AK5: variants seen among roughly 807,000 people sequenced by gnomAD.
AK5 encodes adenylate kinase 5.
Under a neutral mutation model 69.5 loss-of-function variants are expected in AK5, and 27 were observed. That is an observed-to-expected ratio of 0.39 (90% CI 0.29 to 0.54). AK5 has a LOEUF of 0.54. AK5 is among the 20% of genes least tolerant of loss of function. The pLI is 0.71. For missense variants in AK5, 531 were observed against 700.4 expected (o/e 0.76, Z 2.73); for synonymous variants, 260 against 244.4 (o/e 1.06, Z -0.60).
intron 5 of AK5, among the ~76,000 whole-genome samples, chr1:77,330,467 A>G (rs530231107): frequency 6.6e-6 from 1 of 152,298 alleles, no homozygotes; most frequent in Admixed American, 6.5e-5. Context: ...ATGGACATCC[A>G]CTTTACCCAG....
At chr1:77,417,362 C>T (rs914606576) in intron 7 of AK5, among the ~76,000 whole-genome samples, 6 of 152,262 alleles carry the variant, frequency 3.9e-5, no homozygotes, top group Admixed American at 3.3e-4. Context: ...GAATTAGTAG[C>T]TCACTCTCTT....
intron 5 of AK5, among the ~76,000 whole-genome samples, chr1:77,339,010 T>C (rs1661509625): frequency 6.6e-6 from 1 of 152,192 alleles, no homozygotes; most frequent in South Asian, 2.1e-4. Context: ...AGTCCATTTT[T>C]TAACTAGTGG....
At chr1:77,501,558 GGTAA>G (rs1656721125) in intron 10 of AK5, among the ~76,000 whole-genome samples, 2 of 152,064 alleles carry the variant, frequency 1.3e-5, no homozygotes, top group Admixed American at 6.5e-5. Context: ...ATAACACCAC[GGTAA>G]GTATTTGTGT....
intron 5 of AK5, chr1:77,313,982 T>C: frequency 2.2e-6 from 1 of 455,528 alleles, no homozygotes; most frequent in South Asian, 1.6e-5. Flanking sequence ...GGCTATTTGC[T>C]TGATGGACAA....
chr1:77,509,459 T>A (rs1242571007), intron 10 of AK5, among the ~76,000 whole-genome samples: 1 of 152,160 alleles, frequency 6.6e-6, no homozygotes, highest in Non-Finnish European at 1.5e-5. Flanking sequence ...ATGGAGAAGG[T>A]TTCAACTGAC....
chr1:77,351,012 A>G (rs1268834944), intron 6 of AK5, among the ~76,000 whole-genome samples: 4 of 152,238 alleles, frequency 2.6e-5, no homozygotes, highest in Non-Finnish European at 5.9e-5. Context: ...AGCCCTGCAC[A>G]TCTTGCAGCA....
intron 13 of AK5, among the ~76,000 whole-genome samples, chr1:77,546,431 A>T (rs6667803): frequency 6.6e-6 from 1 of 151,984 alleles, no homozygotes; most frequent in Non-Finnish European, 1.5e-5. Context: ...TTGGGAATTC[A>T]TAGGAAAAAG....
intron 8 of AK5, among the ~76,000 whole-genome samples, chr1:77,424,333 T>C (rs1159704081): frequency 6.6e-6 from 1 of 152,108 alleles, no homozygotes; most frequent in Non-Finnish European, 1.5e-5. Flanking sequence ...TGATCATAGC[T>C]CACTGCAGCC....
At chr1:77,422,985 G>A (rs952041982) in intron 8 of AK5, among the ~76,000 whole-genome samples, 1 of 152,130 alleles carries the variant, frequency 6.6e-6, no homozygotes, top group Non-Finnish European at 1.5e-5. Flanking sequence ...GGAGGCCAAG[G>A]TGGGTGGATC....
intron 8 of AK5, among the ~76,000 whole-genome samples, chr1:77,432,045 G>A (rs1293508097): frequency 5.3e-5 from 8 of 152,138 alleles, no homozygotes; most frequent in East Asian, 1.9e-4. Flanking sequence ...GAACTTGTGC[G>A]TGAGAATCCT....
At chr1:77,425,668 T>C (rs1429214440) in intron 8 of AK5, among the ~76,000 whole-genome samples, 1 of 152,160 alleles carries the variant, frequency 6.6e-6, no homozygotes, top group South Asian at 2.1e-4. Flanking sequence ...AGAGAATGAA[T>C]AAGTGAAGAT....
intron 6 of AK5, among the ~76,000 whole-genome samples, chr1:77,377,716 C>G (rs551118535): frequency 4.6e-5 from 7 of 152,326 alleles, no homozygotes; most frequent in Non-Finnish European, 1.5e-5. Context: ...TATCTTCTGA[C>G]TGTATAGAAA....
At chr1:77,549,151 C>A (rs967901519) in intron 13 of AK5, among the ~76,000 whole-genome samples, 1 of 152,090 alleles carries the variant, frequency 6.6e-6, no homozygotes, top group South Asian at 2.1e-4. Context: ...CCTGGGATTA[C>A]AGGCATGAGC....
At chr1:77,556,703 T>A (rs566836265) in intron 13 of AK5, among the ~76,000 whole-genome samples, 1 of 152,304 alleles carries the variant, frequency 6.6e-6, no homozygotes, top group South Asian at 2.1e-4. Flanking sequence ...GGAAGAAAAA[T>A]TCAAACTAGT....
chr1:77,296,105 A>G (rs1253302001), intron 3 of AK5, among the ~76,000 whole-genome samples: 1 of 152,212 alleles, frequency 6.6e-6, no homozygotes, highest in Non-Finnish European at 1.5e-5. Context: ...CAATTTTATG[A>G]CTTTTATGGA....
At chr1:77,547,636 TAG>T (rs1198983899) in intron 13 of AK5, among the ~76,000 whole-genome samples, 2 of 152,150 alleles carry the variant, frequency 1.3e-5, no homozygotes, top group African/African-American at 4.8e-5. Context: ...ATCTGGTACT[TAG>T]GGCTTTACCT....
chr1:77,476,761 A>C lies in AK5; in HGVS notation c.1060-6556A>C, dbSNP rs139128265. ...TCAGTTTCCTCATCTGAAAAATGGG[A>C]AACATCAAACTTGCCTACTTCCTAG... is the stretch of plus-strand genomic sequence containing the variant. On this transcript the variant is annotated intron_variant, in intron 8 of 13. Coordinates refer to ENST00000354567, the MANE Select transcript of AK5 (RefSeq NM_174858.3). Among the ~76,000 whole-genome samples the C allele has an allele frequency of 1.8e-4, 28 of 152,278 alleles. No homozygotes were observed. In the East Asian group the frequency reaches 5.4e-3, roughly 29 times the overall value.
At chr1:77,504,338 G>A (rs1656906010) in intron 10 of AK5, among the ~76,000 whole-genome samples, 2 of 151,890 alleles carry the variant, frequency 1.3e-5, no homozygotes, top group South Asian at 2.1e-4. Flanking sequence ...TCTAGAAAAC[G>A]TGTATCAACA....
chr1:77,367,459 C>T (rs112952030), intron 6 of AK5, among the ~76,000 whole-genome samples: 10 of 144,158 alleles, frequency 6.9e-5, no homozygotes, highest in African/African-American at 2.6e-4. Context: ...AGTAGCTAGG[C>T]GCATGCACCA....
Sources: gnomAD v4.1 joint callset for allele counts (sites outside exome capture counted in the v4.1 genomes callset) on GRCh38, gnomAD v4.1.1 for gene constraint, MANE v1.5 for transcripts, NCBI Gene and HGNC (gene_info 2026-07-23, HGNC 2026-07-21) for gene names.